The following ASCC1 variants were observed in gnomAD, a reference collection of about 807,000 sequenced individuals.
ASCC1 encodes ASC-1 complex subunit P50.
A neutral mutation model predicts 46.6 loss-of-function variants in ASCC1; 35 were observed. The observed-to-expected ratio is 0.75, with a 90% CI of 0.57 to 0.99. The LOEUF is 0.99. ASCC1 is among the 50% of genes least tolerant of loss of function. The pLI is 0.00. For missense variants in ASCC1, 376 were observed against 428.7 expected (o/e 0.88, Z 1.09); for synonymous variants, 143 against 146.6 (o/e 0.98, Z 0.18).
At chr10:72,205,481 A>G (rs1589634125) in intron 3 of ASCC1, among the ~76,000 whole-genome samples, 1 of 152,068 alleles carries the variant, frequency 6.6e-6, no homozygotes, top group Admixed American at 6.6e-5. Context: ...AAATACAAAA[A>G]TTAGCCAGGC....
chr10:72,162,610 T>C (rs909948264), intron 5 of ASCC1, among the ~76,000 whole-genome samples: 7 of 152,032 alleles, frequency 4.6e-5, no homozygotes, highest in African/African-American at 7.2e-5. Context: ...GCTGGGATTA[T>C]GGGTGTGAGC....
chr10:72,161,078 A>G (rs1182765129), intron 6 of ASCC1, among the ~76,000 whole-genome samples: 3 of 152,018 alleles, frequency 2.0e-5, no homozygotes. Flanking sequence ...GCAAGATTCC[A>G]TCTCAAAAAA....
chr10:72,129,976 C>CAAAAAA (rs34426096), intron 8 of ASCC1, among the ~76,000 whole-genome samples: 1 of 64,326 alleles, frequency 1.6e-5, no homozygotes, highest in Admixed American at 2.4e-4. Context: ...GACCTTGTCT[C>CAAAAAA]AAAAAAAAAA....
chr10:72,163,027 A>G (rs958808638), intron 5 of ASCC1, among the ~76,000 whole-genome samples: 1 of 152,066 alleles, frequency 6.6e-6, no homozygotes, highest in East Asian at 1.9e-4. Context: ...TAACAAGCAC[A>G]TGAACATCAT....
At chr10:72,192,416 T>C (rs954357357) in intron 5 of ASCC1, among the ~76,000 whole-genome samples, 2 of 138,856 alleles carry the variant, frequency 1.4e-5, no homozygotes, top group South Asian at 2.2e-4. Context: ...GATCGAGCCA[T>C]AGAACTCCAG....
At chr10:72,214,751 G>C (rs557688726) in intron 1 of ASCC1, among the ~76,000 whole-genome samples, 1 of 149,478 alleles carries the variant, frequency 6.7e-6, no homozygotes, top group Non-Finnish European at 1.5e-5. Flanking sequence ...AAAAAAAAAA[G>C]CCCCTAAGTA....
chr10:72,127,387 T>C (rs1327534487), intron 9 of ASCC1, among the ~76,000 whole-genome samples: 1 of 152,176 alleles, frequency 6.6e-6, no homozygotes, highest in African/African-American at 2.4e-5. Context: ...TTACTTACAT[T>C]TCATAGATTA....
chr10:72,103,125 C>G (rs551047686), intron 9 of ASCC1, among the ~76,000 whole-genome samples: 1 of 151,708 alleles, frequency 6.6e-6, no homozygotes, highest in Admixed American at 6.6e-5. Context: ...GAAATAGATA[C>G]TATGTTTTTT....
At chr10:72,216,347 C>G (rs928211195), upstream of ASCC1, 4 of 171,554 alleles carry the variant, frequency 2.3e-5, no homozygotes, top group African/African-American at 7.2e-5. Context: ...AGTGGGACAG[C>G]GCCGATGGCG....
intron 4 of ASCC1, among the ~76,000 whole-genome samples, chr10:72,202,177 A>C (rs1461477843): frequency 6.6e-6 from 1 of 152,166 alleles, no homozygotes; most frequent in Admixed American, 6.5e-5. Flanking sequence ...ACTTTAAAAA[A>C]GTTCCATCGG....
At chr10:72,213,016 T>A (rs1858395755) in intron 2 of ASCC1, among the ~76,000 whole-genome samples, 171 bp downstream of exon 2, 1 of 152,150 alleles carries the variant, frequency 6.6e-6, no homozygotes, top group Non-Finnish European at 1.5e-5. Flanking sequence ...ACACTTCAGC[T>A]AAACTCAAAC....
At chr10:72,170,356 C>T (rs1850912138) in intron 5 of ASCC1, among the ~76,000 whole-genome samples, 1 of 152,066 alleles carries the variant, frequency 6.6e-6, no homozygotes, top group Non-Finnish European at 1.5e-5. Flanking sequence ...ACATTATCAC[C>T]TATGCAATGC....
At chr10:72,161,491 G>A (rs774366356) in intron 6 of ASCC1, 47 bp downstream of exon 6, 2 of 1,613,356 alleles carry the variant, frequency 1.2e-6, no homozygotes, top group Non-Finnish European at 8.5e-7. Flanking sequence ...CCAAAAAGAA[G>A]CCAGCCCAGG....
intron 5 of ASCC1, among the ~76,000 whole-genome samples, chr10:72,165,836 C>A (rs774736380): frequency 5.3e-5 from 8 of 152,310 alleles, no homozygotes; most frequent in Non-Finnish European, 8.8e-5. Flanking sequence ...GCATGCAAAG[C>A]CCCTCAAATT....
chr10:72,163,628 C>T lies in ASCC1; in HGVS notation c.490-1954G>A, dbSNP rs145258043. On this transcript the variant is annotated intron_variant, in intron 5 of 9. Coordinates refer to ENST00000672957, the MANE Select transcript of ASCC1 (RefSeq NM_001198800.3). Reference sequence around the variant, plus strand: ...TGTGTGCCTGTAATCCCAGCTACTACGGAGGCTGAGGCAGGAGAATTGCTT... The same window carrying T: ...TGTGTGCCTGTAATCCCAGCTACTATGGAGGCTGAGGCAGGAGAATTGCTT... 6.7e-3 allele frequency among the ~76,000 whole-genome samples: 1,022 copies of T among 151,604 alleles called. 8 individuals carry two copies. The highest frequency in any genetic ancestry group is 0.023 in the African/African-American group (969 of 41,322).
intron 9 of ASCC1, among the ~76,000 whole-genome samples, chr10:72,107,608 G>C (rs1483928135): frequency 6.6e-6 from 1 of 152,112 alleles, no homozygotes. Context: ...TTTACCCTAA[G>C]GTAAGTCATG....
Position 72,196,979 on chromosome 10 carries a change from G to A in ASCC1, c.321C>T (p.Gly107=), listed in dbSNP as rs137945482. 2.0e-5 allele frequency: 32 copies of A among 1,613,424 alleles called. No homozygotes were observed. The African/African-American group carries it at 3.9e-4, about 20-fold the overall frequency. ...CTGAAATTACACCATTTCGATGCTG[G>A]CCAGTGATTACTGTAAACAAAGAAG... ...PGQDGEIVIT[G]QHRNGVISAR... is the part of the protein sequence containing the mutation. The change falls in exon 5 of 10, where the codon GGC becomes GGT. Residue 107 remains glycine (G), a synonymous_variant. Transcript: ENST00000672957.
chr10:72,132,897 A>C (rs1435588679), intron 8 of ASCC1, among the ~76,000 whole-genome samples, 160 bp downstream of exon 8: 2 of 152,206 alleles, frequency 1.3e-5, no homozygotes, highest in East Asian at 3.8e-4. Context: ...TCCATGCTAT[A>C]TATGTTCTTG....
At chr10:72,204,414 T>C (rs1856915857) in intron 3 of ASCC1, 1 of 1,550,414 alleles carries the variant, frequency 6.4e-7, no homozygotes, top group Non-Finnish European at 8.7e-7. Flanking sequence ...CTCATTTACA[T>C]TACTTGCCTG....
Sources: allele counts gnomAD v4.1 joint callset (sites outside exome capture counted in the v4.1 genomes callset), GRCh38; gene constraint gnomAD v4.1.1; transcripts MANE v1.5; gene names NCBI Gene and HGNC (gene_info 2026-07-23, HGNC 2026-07-21).